Variants in LRP1B observed in about 807,000 individuals in gnomAD.
The protein encoded by LRP1B is LDL receptor related protein 1B.
LRP1B carries 217 observed loss-of-function variants against 556.6 expected under a neutral mutation model. That is an observed-to-expected ratio of 0.39 (90% CI 0.35 to 0.44). The LOEUF is 0.44. LRP1B is among the 20% of genes least tolerant of loss of function. The pLI is 1.00. For missense variants in LRP1B, 5,053 were observed against 5,620.8 expected (o/e 0.90, Z 3.23); for synonymous variants, 2,047 against 1,865.8 (o/e 1.10, Z -2.50).
intron 1 of LRP1B, among the ~76,000 whole-genome samples, chr2:141,928,721 A>G (rs1323252417): frequency 6.6e-6 from 1 of 152,120 alleles, no homozygotes; most frequent in African/African-American, 2.4e-5. Flanking sequence ...TTTCAGGCTC[A>G]TATGGCAGAA....
At chr2:141,176,613 A>G (rs1395642133) in intron 7 of LRP1B, among the ~76,000 whole-genome samples, 2 of 151,980 alleles carry the variant, frequency 1.3e-5, no homozygotes, top group African/African-American at 2.4e-5. Context: ...CCAGACTCAG[A>G]TAGTTCTTTA....
At chr2:142,066,259 T>C (rs1024323520) in intron 1 of LRP1B, among the ~76,000 whole-genome samples, 3 of 130,816 alleles carry the variant, frequency 2.3e-5, no homozygotes, top group Admixed American at 8.1e-5. Context: ...CAAGAATTAG[T>C]AAAATCATTA....
chr2:141,181,657 A>G (rs1681000975), intron 7 of LRP1B, among the ~76,000 whole-genome samples: 1 of 151,974 alleles, frequency 6.6e-6, no homozygotes, highest in South Asian at 2.1e-4. Flanking sequence ...TGAGAGTCAA[A>G]TCAATTTGCC....
At chr2:140,830,647 T>C (rs1691682386) in intron 31 of LRP1B, among the ~76,000 whole-genome samples, 1 of 152,200 alleles carries the variant, frequency 6.6e-6, no homozygotes, top group East Asian at 1.9e-4. Context: ...GCTAACTTCA[T>C]ACTGAGTGGA....
chr2:140,279,779 A>T (rs2104962887), intron 84 of LRP1B, among the ~76,000 whole-genome samples: 1 of 152,052 alleles, frequency 6.6e-6, no homozygotes, highest in Non-Finnish European at 1.5e-5. Context: ...AGAAAAATAG[A>T]GAAACTTAAT....
intron 43 of LRP1B, among the ~76,000 whole-genome samples, chr2:140,583,171 C>CTTTTCTTT (rs1553491151): frequency 8.3e-5 from 4 of 48,026 alleles, no homozygotes; most frequent in African/African-American, 2.5e-4. Flanking sequence ...CCTTTTTTTT[C>CTTTTCTTT]TTTTTTTTTT....
intron 2 of LRP1B, among the ~76,000 whole-genome samples, chr2:141,532,389 A>T (rs186566074): frequency 4.6e-5 from 7 of 152,150 alleles, no homozygotes; most frequent in Admixed American, 4.6e-4. Flanking sequence ...CTGAACAAAC[A>T]TGTCCTCAGT....
At position 140,548,825 on chromosome 2, in the gene LRP1B, T is replaced by A. The variant is rs576931900; in HGVS notation, c.7195-6854A>T. Among the ~76,000 whole-genome samples the A allele has an allele frequency of 4.1e-4, 62 of 152,066 alleles. 4 individuals carry two copies. In the South Asian group the frequency reaches 0.013, roughly 31 times the overall value. On this transcript the variant is annotated intron_variant, in intron 43 of 90. Transcript: ENST00000389484. ...CTGTAATCCCAGCTACTCAGGAGGC[T>A]AAGGCAGGAAAATCGCTTGAACCCG... is the stretch of plus-strand genomic sequence containing the variant.
At chr2:141,891,638 G>C (rs1457203941) in intron 1 of LRP1B, among the ~76,000 whole-genome samples, 3 of 152,064 alleles carry the variant, frequency 2.0e-5, no homozygotes, top group Non-Finnish European at 2.9e-5. Flanking sequence ...TTAGAATGTT[G>C]TATTATAAAG....
In LRP1B at chr2:140,484,195, G is replaced by A. The variant is rs946887646; in HGVS notation, c.9425+1148C>T. Among the ~76,000 whole-genome samples, 7 of 152,198 alleles carry A rather than the reference G, an allele frequency of 4.6e-5. No homozygotes were observed. The East Asian group carries it at 9.7e-4, about 21-fold the overall frequency. ...TAATTATATAGTGAAAAGTTAAAAT[G>A]AGCACATTACCTTGAAAACAAAAAT... On this transcript the variant is annotated intron_variant, in intron 59 of 90. Transcript: ENST00000389484.
At chr2:140,415,441 C>T (rs1685151333) in intron 66 of LRP1B, among the ~76,000 whole-genome samples, 1 of 152,144 alleles carries the variant, frequency 6.6e-6, no homozygotes, top group Non-Finnish European at 1.5e-5. Flanking sequence ...TAAAAACTTG[C>T]TGGTTTGAGG....
chr2:141,820,914 T>C (rs6429923), intron 1 of LRP1B, among the ~76,000 whole-genome samples: 47,698 of 152,136 alleles, frequency 0.31, 8,474 homozygotes, highest in African/African-American at 0.49. Context: ...CATAGTAAAA[T>C]GGACTTTGCA....
intron 86 of LRP1B, among the ~76,000 whole-genome samples, chr2:140,265,839 C>T (rs1294804410): frequency 6.6e-6 from 1 of 152,022 alleles, no homozygotes; most frequent in Non-Finnish European, 1.5e-5. Flanking sequence ...CTGAGGGTTT[C>T]ATGTTCCCTT....
chr2:141,161,464 C>T (rs1680030973), intron 7 of LRP1B, among the ~76,000 whole-genome samples: 1 of 152,084 alleles, frequency 6.6e-6, no homozygotes, highest in African/African-American at 2.4e-5. Context: ...TAGATAATAT[C>T]AGAAATAATG....
chr2:142,054,096 G>A (rs1308241194), intron 1 of LRP1B, among the ~76,000 whole-genome samples: 8 of 152,008 alleles, frequency 5.3e-5, no homozygotes. Context: ...TTTTATAAGG[G>A]CAAATATGTC....
At chr2:140,297,667 G>T (rs1400084953) in intron 84 of LRP1B, 141 bp downstream of exon 84, 8 of 871,154 alleles carry the variant, frequency 9.2e-6, no homozygotes, top group Non-Finnish European at 1.4e-5. Flanking sequence ...TGAAGAATGG[G>T]TAAATAATTG....
intron 84 of LRP1B, among the ~76,000 whole-genome samples, chr2:140,291,320 T>TA (rs745524571): frequency 0.011 from 560 of 51,006 alleles, 14 homozygotes; most frequent in Middle Eastern, 0.022. Context: ...ATATATATAT[T>TA]TTTATTATAC....
intron 1 of LRP1B, among the ~76,000 whole-genome samples, chr2:142,093,124 G>A (rs140933829): frequency 4.2e-4 from 64 of 152,082 alleles, no homozygotes; most frequent in African/African-American, 1.5e-3. Flanking sequence ...AGTGACGATT[G>A]CTTTGAAGTC....
In LRP1B at chr2:141,810,358, G is replaced by T. The variant is rs375230637; in HGVS notation, c.126C>A (p.His42Gln). Residue 42 changes from histidine to glutamine, a missense_variant, in exon 2 of 91, where the codon CAC becomes CAA. This residue lies in a region of LRP1B where 3,619 missense variants were observed against 3,931.9 expected (regional missense o/e 0.92). Coordinates refer to ENST00000389484, the MANE Select transcript of LRP1B (RefSeq NM_018557.3). The stretch of plus-strand genomic sequence containing the variant: ...GCCAGCTCTGGGAGACACAAGTCAC[G>T]TGATCGTGGCAAAGAAATTCACCAG... ...CDPGEFLCHD[H>Q]VTCVSQSWLC... 1.9e-6 allele frequency: 3 copies of T among 1,612,924 alleles called. No individual in the cohort carries two copies. The highest frequency in any genetic ancestry group is 2.5e-6 in the Non-Finnish European group (3 of 1,179,400).
Sources: allele counts gnomAD v4.1 joint callset (sites outside exome capture counted in the v4.1 genomes callset), GRCh38; gene constraint gnomAD v4.1.1; regional missense constraint gnomAD v4.1.1; transcripts MANE v1.5; gene names NCBI Gene and HGNC (gene_info 2026-07-23, HGNC 2026-07-21).